Variants in COBL observed in about 807,000 individuals in gnomAD.
COBL encodes cordon-bleu WH2 repeat protein.
A neutral mutation model predicts 98.8 loss-of-function variants in COBL; 51 were observed. The observed-to-expected ratio is 0.52, with a 90% confidence interval of 0.41 to 0.65. The LOEUF is 0.65. COBL is among the 30% of genes least tolerant of loss of function. COBL has a pLI of 0.00. For synonymous variants in COBL, 634 were observed against 651.7 expected (o/e 0.97, Z 0.41); for missense variants, 1,617 against 1,617.5 (o/e 1.00, Z 0.01).
chr7:51,049,849 G>T (rs757514989), intron 7 of COBL, among the ~76,000 whole-genome samples: 3 of 152,182 alleles, frequency 2.0e-5, no homozygotes, highest in Non-Finnish European at 2.9e-5. Flanking sequence ...TTTAGGATTC[G>T]CCTTTGAGAG....
At chr7:51,226,536 G>GAGTGAGTGAGTAAGTGAGTGACTA (rs796548240) in intron 1 of COBL, among the ~76,000 whole-genome samples, 61 of 152,042 alleles carry the variant, frequency 4.0e-4, no homozygotes, top group African/African-American at 1.4e-3. Context: ...GTGAGTGAGT[G>GAGTGAGTGAGTAAGTGAGTGACTA]AGTGAGTGAG....
chr7:51,194,338 ATTTTC>A lies in COBL; in HGVS notation c.246-754_246-750del, dbSNP rs556731008. 3.3e-3 allele frequency among the ~76,000 whole-genome samples: 508 copies of A among 152,038 alleles called. 4 individuals are homozygous for A. The highest frequency in any genetic ancestry group is 0.012 in the African/African-American group (487 of 41,468). Reference sequence around the variant, plus strand: ...GTAGTCCATGGTGTATCTGTACTACATTTTCTTTATCCAACATACTATTGATGGGT... The same window carrying A: ...GTAGTCCATGGTGTATCTGTACTACATTTATCCAACATACTATTGATGGGT... On this transcript the variant is annotated intron_variant, in intron 2 of 12. Transcript: ENST00000265136.
intron 1 of COBL, among the ~76,000 whole-genome samples, chr7:51,270,463 T>C (rs1415084327): frequency 6.6e-6 from 1 of 152,010 alleles, no homozygotes; most frequent in Non-Finnish European, 1.5e-5. Flanking sequence ...GAAGAGAGGG[T>C]AAGGGAACAT....
At chr7:51,147,903 A>C (rs1785186329) in intron 5 of COBL, among the ~76,000 whole-genome samples, 1 of 151,954 alleles carries the variant, frequency 6.6e-6, no homozygotes, top group Non-Finnish European at 1.5e-5. Context: ...GGCACCCGCC[A>C]CCACACCCAG....
chr7:51,309,613 G>T (rs770117243), intron 1 of COBL, among the ~76,000 whole-genome samples: 1 of 152,158 alleles, frequency 6.6e-6, no homozygotes, highest in African/African-American at 2.4e-5. Flanking sequence ...AGCAATTTAA[G>T]AAACAGTTTT....
At chr7:51,082,339 C>A (rs188997409) in intron 7 of COBL, among the ~76,000 whole-genome samples, 1 of 152,092 alleles carries the variant, frequency 6.6e-6, no homozygotes, top group African/African-American at 2.4e-5. Context: ...GCGGTCCAAG[C>A]GCAGGCCCGA....
intron 6 of COBL, among the ~76,000 whole-genome samples, chr7:51,095,345 A>G (rs6979757): frequency 0.56 from 85,763 of 152,036 alleles, 24,788 homozygotes; most frequent in Middle Eastern, 0.69. Context: ...ACGACACGTG[A>G]GAACTATGGG....
intron 1 of COBL, among the ~76,000 whole-genome samples, chr7:51,284,210 A>G (rs1466431035): frequency 6.7e-6 from 1 of 149,112 alleles, no homozygotes; most frequent in Non-Finnish European, 1.5e-5. Flanking sequence ...CTGAGGCAGG[A>G]GAATGGTGTG....
At chr7:51,149,860 G>A (rs1785394723) in intron 5 of COBL, among the ~76,000 whole-genome samples, 1 of 152,112 alleles carries the variant, frequency 6.6e-6, no homozygotes, top group Admixed American at 6.5e-5. Context: ...CCTGACCTCA[G>A]GTGATCCGCC....
intron 6 of COBL, among the ~76,000 whole-genome samples, chr7:51,089,610 G>A (rs1267351827): frequency 6.6e-6 from 1 of 152,176 alleles, no homozygotes; most frequent in Non-Finnish European, 1.5e-5. Flanking sequence ...TCACAGTGAA[G>A]TAATACTTTT....
At chr7:51,124,141 G>C (rs563443990) in intron 6 of COBL, among the ~76,000 whole-genome samples, 2 of 152,172 alleles carry the variant, frequency 1.3e-5, no homozygotes, top group Non-Finnish European at 2.9e-5. Flanking sequence ...AGAGTGCCTG[G>C]GATGCAAGAA....
At chr7:51,064,210 T>C (rs977244503) in intron 7 of COBL, among the ~76,000 whole-genome samples, 1 of 152,164 alleles carries the variant, frequency 6.6e-6, no homozygotes, top group African/African-American at 2.4e-5. Flanking sequence ...GGAACTCGCA[T>C]GTGGCTGATG....
chr7:51,168,232 C>A (rs1410171000), intron 5 of COBL, among the ~76,000 whole-genome samples: 2 of 152,080 alleles, frequency 1.3e-5, no homozygotes, highest in Non-Finnish European at 2.9e-5. Flanking sequence ...GTCTAATAAT[C>A]CTATCAAAAA....
chr7:51,038,943 C>T lies in COBL; in HGVS notation c.1406+4440G>A, dbSNP rs758449577. 7.6e-4 allele frequency among the ~76,000 whole-genome samples: 116 copies of T among 152,256 alleles called. 1 individual carries two copies. Among genetic ancestry groups the T allele is most frequent in the Non-Finnish European group, 1.4e-3 (92 of 68,022 alleles). On this transcript the variant is annotated intron_variant, in intron 8 of 12. Coordinates refer to ENST00000265136, the MANE Select transcript of COBL (RefSeq NM_015198.5). ...TGTCGTTTGCCATGTAAGACAAACA[C>T]GGGTTCTGGGAGCACAAATGGGCAG...
chr7:51,165,317 G>T (rs983719221), intron 5 of COBL, among the ~76,000 whole-genome samples: 13 of 151,960 alleles, frequency 8.6e-5, no homozygotes, highest in African/African-American at 3.1e-4. Context: ...AGCAGGAGTA[G>T]CTATACTTAG....
intron 4 of COBL, chr7:51,187,864 T>C (rs1031319485): frequency 4.1e-6 from 5 of 1,211,308 alleles, no homozygotes; most frequent in Non-Finnish European, 5.2e-6. Context: ...CCCAGAGCCA[T>C]GCATAGTGCA....
At chr7:51,194,123 G>C (rs956215478) in intron 2 of COBL, among the ~76,000 whole-genome samples, 2 of 152,018 alleles carry the variant, frequency 1.3e-5, no homozygotes, top group Admixed American at 6.5e-5. Flanking sequence ...TCCTCTGAGA[G>C]ACTCCAGTGT....
At chr7:51,107,780 C>T (rs886954393) in intron 6 of COBL, among the ~76,000 whole-genome samples, 34 of 152,118 alleles carry the variant, frequency 2.2e-4, no homozygotes, top group African/African-American at 8.2e-4. Context: ...ACCTCACAGT[C>T]CCCTGGGGAA....
At chr7:51,123,742 T>C (rs1326432917) in intron 6 of COBL, among the ~76,000 whole-genome samples, 1 of 152,222 alleles carries the variant, frequency 6.6e-6, no homozygotes, top group Non-Finnish European at 1.5e-5. Flanking sequence ...AGTCAAACAT[T>C]TTCTTCATTT....
Sources: allele counts gnomAD v4.1 joint callset (sites outside exome capture counted in the v4.1 genomes callset), GRCh38; gene constraint gnomAD v4.1.1; transcripts MANE v1.5; gene names NCBI Gene and HGNC (gene_info 2026-07-23, HGNC 2026-07-21).